Variants in NDRG3 observed in about 807,000 individuals in gnomAD.
NDRG3 encodes protein NDRG3.
A neutral mutation model predicts 57.2 loss-of-function variants in NDRG3; 23 were observed. The observed-to-expected ratio is 0.40, with a 90% CI of 0.29 to 0.57. NDRG3 has a LOEUF of 0.57. NDRG3 is among the 20% of genes least tolerant of loss of function. The probability of loss-of-function intolerance (pLI) is 0.42; values close to 1 mark genes in which losing one functional copy is unlikely to be tolerated. For missense variants in NDRG3, 384 were observed against 457.3 expected, an observed-to-expected ratio of 0.84 and a Z score of 1.46; for synonymous variants, 132 against 162.6, an observed-to-expected ratio of 0.81 and a Z score of 1.43.
At chr20:36,723,261 G>A (rs150959690) in intron 1 of NDRG3, among the ~76,000 whole-genome samples, 29 of 152,280 alleles carry the variant, frequency 1.9e-4, no homozygotes, top group Admixed American at 1.8e-3. Flanking sequence ...TCAGAGAGAG[G>A]AGACAAGTTG....
chr20:36,696,092 G>A (rs974873144), intron 3 of NDRG3, among the ~76,000 whole-genome samples: 3 of 152,132 alleles, frequency 2.0e-5, no homozygotes, highest in Admixed American at 6.6e-5. Context: ...GCCCAGGCTG[G>A]CCTTCAACTT....
intron 1 of NDRG3, among the ~76,000 whole-genome samples, chr20:36,736,364 C>G: frequency 6.6e-6 from 1 of 152,162 alleles, no homozygotes; most frequent in East Asian, 1.9e-4. Context: ...CAGTAATGCC[C>G]TCATTCTCCA....
In NDRG3 at chr20:36,653,378, A is replaced by G. The variant is rs2148009886; in HGVS notation, c.*142T>C. ...AGGGGGTGGGCAGGCAGAGAGAATG[A>G]TAAATCCAGGCTACTAGAGAGAGGT... is the stretch of plus-strand genomic sequence containing the variant. On this transcript the variant is annotated 3_prime_UTR_variant, in exon 16 of 16. Coordinates refer to ENST00000349004, the MANE Select transcript of NDRG3 (RefSeq NM_032013.4). This position sits in a 1 kb window ranked among gnomAD's most constrained non-coding sequence, Gnocchi z 4.2. 1 of 699,418 alleles carries G rather than the reference A, an allele frequency of 1.4e-6. No individual in the cohort carries two copies. The highest frequency in any genetic ancestry group is 2.8e-5 in the East Asian group (1 of 36,034). 43.3% of individuals were successfully genotyped at this position (699,418 alleles called of 1,614,324 possible).
intron 13 of NDRG3, among the ~76,000 whole-genome samples, chr20:36,658,396 G>A (rs933793737): frequency 1.3e-5 from 2 of 152,154 alleles, no homozygotes; most frequent in African/African-American, 2.4e-5. Flanking sequence ...TTACAGGTGT[G>A]AGCCACCATG....
At chr20:36,687,342 A>C (rs1981874284) in intron 5 of NDRG3, 150 bp downstream of exon 5, 1 of 995,548 alleles carries the variant, frequency 1.0e-6, no homozygotes, top group Admixed American at 2.8e-5. Context: ...TCTCAGCCCA[A>C]GGAGAGAAAA....
At chr20:36,715,584 G>A (rs555942414) in intron 2 of NDRG3, among the ~76,000 whole-genome samples, 7 of 151,488 alleles carry the variant, frequency 4.6e-5, no homozygotes, top group South Asian at 4.2e-4. Flanking sequence ...TTGGGAGGCC[G>A]AGGCAGGAGG....
chr20:36,691,657 G>T (rs562485855), intron 3 of NDRG3, among the ~76,000 whole-genome samples: 1 of 152,182 alleles, frequency 6.6e-6, no homozygotes, highest in South Asian at 2.1e-4. Flanking sequence ...AGGTTACAGT[G>T]AGCCGAAATT....
intron 1 of NDRG3, among the ~76,000 whole-genome samples, chr20:36,736,109 C>T (rs534612618): frequency 6.6e-6 from 1 of 152,108 alleles, no homozygotes; most frequent in East Asian, 1.9e-4. Context: ...ACAGACAACC[C>T]CTGAAGGTTT....
intron 2 of NDRG3, among the ~76,000 whole-genome samples, chr20:36,719,176 C>T (rs1430664997): frequency 1.3e-5 from 2 of 152,094 alleles, no homozygotes; most frequent in East Asian, 3.9e-4. Flanking sequence ...CGCCTGTAAT[C>T]CCAGCACTTT....
chr20:36,737,562 C>A lies in NDRG3; in HGVS notation c.-49+8483G>T, dbSNP rs1985671063. 2.6e-5 allele frequency among the ~76,000 whole-genome samples: 4 copies of A among 152,078 alleles called. No individual in the cohort carries two copies. The South Asian group carries it at 8.3e-4, about 32-fold the overall frequency. On this transcript the variant is annotated intron_variant, in intron 1 of 15. Coordinates refer to ENST00000349004, the MANE Select transcript of NDRG3 (RefSeq NM_032013.4). ...CATTGTGCTTCCCAACATATTTAAT[C>A]CACCCCATTTTACAGATGAAGAAAC...
chr20:36,687,419 A>T (rs1264455931), intron 5 of NDRG3, 73 bp downstream of exon 5: 1 of 1,555,586 alleles, frequency 6.4e-7, no homozygotes, highest in Non-Finnish European at 8.7e-7. Context: ...AGCACACACC[A>T]CTTCTCCCAC....
rs566386512 is a variant in NDRG3, at chr20:36,712,763, T to C, written c.58-5756A>G. ...GGCACACGCCACCATAACTGGCTCA[T>C]TTTTGTAGTTTTAATAGGGACAGGG... On this transcript the variant is annotated intron_variant, in intron 2 of 15. Coordinates refer to ENST00000349004, the MANE Select transcript of NDRG3 (RefSeq NM_032013.4). Among the ~76,000 whole-genome samples, 3 of 151,058 alleles carry C rather than the reference T, an allele frequency of 2.0e-5. No homozygotes were observed. The South Asian group carries it at 6.3e-4, about 32-fold the overall frequency.
At chr20:36,707,793 T>C (rs552056191) in intron 2 of NDRG3, among the ~76,000 whole-genome samples, 34 of 152,044 alleles carry the variant, frequency 2.2e-4, no homozygotes, top group Admixed American at 1.9e-3. Flanking sequence ...CATAAGAGTA[T>C]AAAAAAGGGG....
At chr20:36,690,270 C>T (rs1175240172) in intron 3 of NDRG3, among the ~76,000 whole-genome samples, 6 of 151,916 alleles carry the variant, frequency 3.9e-5, no homozygotes, top group African/African-American at 1.5e-4. Context: ...GCTCAGGAAC[C>T]AAATAGAGCA....
At chr20:36,743,810 T>G (rs1050681896) in intron 1 of NDRG3, among the ~76,000 whole-genome samples, 1 of 148,888 alleles carries the variant, frequency 6.7e-6, no homozygotes, top group Non-Finnish European at 1.5e-5. Flanking sequence ...AGAGCGAGAC[T>G]CCGTCTCAAA....
At chr20:36,700,713 T>C in intron 3 of NDRG3, 1 of 235,308 alleles carries the variant, frequency 4.2e-6, no homozygotes, top group Non-Finnish European at 8.5e-6. Context: ...AGGGAGCATC[T>C]GATAGGCTCT....
intron 4 of NDRG3, 47 bp downstream of exon 4, chr20:36,688,632 A>G (rs757153728): frequency 1.5e-6 from 2 of 1,365,748 alleles, no homozygotes; most frequent in African/African-American, 1.4e-5. Context: ...TTTAACATAC[A>G]AAGATCAAGT....
chr20:36,660,568 A>ATTTAT (rs1555795881), intron 12 of NDRG3, among the ~76,000 whole-genome samples, 184 bp from the exon 13 acceptor site: 8 of 145,216 alleles, frequency 5.5e-5, no homozygotes, highest in African/African-American at 2.1e-4. Flanking sequence ...TTATTTATTT[A>ATTTAT]TTTTTTTTTT....
intron 5 of NDRG3, among the ~76,000 whole-genome samples, chr20:36,685,613 G>T (rs1173443474): frequency 6.6e-5 from 10 of 152,150 alleles, no homozygotes; most frequent in Admixed American, 6.6e-4. Context: ...GTCTGGCATG[G>T]TTATTTTATT....
Sources: allele counts gnomAD v4.1 joint callset (sites outside exome capture counted in the v4.1 genomes callset), GRCh38; gene constraint gnomAD v4.1.1; non-coding constraint Gnocchi (gnomAD v3.1); transcripts MANE v1.5; gene names NCBI Gene and HGNC (gene_info 2026-07-23, HGNC 2026-07-21).